Variants in PRR5L observed in about 807,000 individuals in gnomAD.
The protein encoded by PRR5L is proline-rich protein 5-like.
Under a neutral mutation model 36.4 loss-of-function variants are expected in PRR5L, and 21 were observed. That is an observed-to-expected ratio of 0.58 (90% CI 0.41 to 0.83). The LOEUF (loss-of-function observed/expected upper bound fraction) is 0.83, where lower values mean the gene tolerates loss of function less well. Ranked by LOEUF, PRR5L falls within the 40% of genes least tolerant of loss-of-function variation. The pLI, the probability that PRR5L is intolerant of heterozygous loss-of-function variation, is 0.00. For missense variants in PRR5L, 381 were observed against 473.3 expected, an observed-to-expected ratio of 0.80 and a Z score of 1.81; for synonymous variants, 188 against 197.0, an observed-to-expected ratio of 0.95 and a Z score of 0.38.
At chr11:36,400,004 C>A (rs976284735) in intron 1 of PRR5L, among the ~76,000 whole-genome samples, 4 of 152,206 alleles carry the variant, frequency 2.6e-5, no homozygotes, top group African/African-American at 7.2e-5. Context: ...TTGGGAGTGG[C>A]CAAGTTAAGA....
intron 1 of PRR5L, among the ~76,000 whole-genome samples, chr11:36,386,720 G>T (rs1439645029): frequency 6.6e-6 from 1 of 152,190 alleles, no homozygotes; most frequent in East Asian, 1.9e-4. Context: ...CTAGTCTTCT[G>T]CCTTTGGGCA....
intron 7 of PRR5L, among the ~76,000 whole-genome samples, chr11:36,450,500 C>A (rs189209104): frequency 1.3e-5 from 2 of 152,270 alleles, no homozygotes; most frequent in East Asian, 3.9e-4. Flanking sequence ...TGGTTTTGAC[C>A]ATTCTTTACT....
intron 3 of PRR5L, among the ~76,000 whole-genome samples, chr11:36,415,049 C>G (rs573125148): frequency 2.7e-5 from 4 of 147,338 alleles, no homozygotes; most frequent in African/African-American, 1.0e-4. Flanking sequence ...TCTGTGGGCT[C>G]TGTTCTGTTC....
chr11:36,401,475 A>T (rs1857795390), intron 2 of PRR5L, among the ~76,000 whole-genome samples, 190 bp downstream of exon 2: 1 of 152,060 alleles, frequency 6.6e-6, no homozygotes, highest in Non-Finnish European at 1.5e-5. Flanking sequence ...CCCAGGCTGG[A>T]GTGCAGTCGT....
intron 1 of PRR5L, among the ~76,000 whole-genome samples, chr11:36,366,943 G>GA (rs1172234678): frequency 1.3e-5 from 2 of 151,918 alleles, no homozygotes; most frequent in Non-Finnish European, 2.9e-5. Context: ...CCACAGACAG[G>GA]AATGAATAAG....
intron 3 of PRR5L, among the ~76,000 whole-genome samples, chr11:36,413,566 C>G (rs899515425): frequency 6.6e-6 from 1 of 151,236 alleles, no homozygotes; most frequent in Non-Finnish European, 1.5e-5. Context: ...GTTTTCCATT[C>G]TCTTTTCCTT....
intron 1 of PRR5L, chr11:36,375,978 C>T: frequency 4.9e-6 from 2 of 407,694 alleles, no homozygotes; most frequent in South Asian, 3.7e-5. Context: ...CCCAGAATCA[C>T]CTCTTGGCTT....
intron 3 of PRR5L, among the ~76,000 whole-genome samples, chr11:36,417,522 G>C (rs983233900): frequency 3.6e-5 from 5 of 139,266 alleles, no homozygotes; most frequent in African/African-American, 1.3e-4. Context: ...GAACTCCTGG[G>C]TTGTGTTGAC....
intron 6 of PRR5L, among the ~76,000 whole-genome samples, chr11:36,440,324 T>C (rs1231975667): frequency 6.6e-6 from 1 of 152,176 alleles, no homozygotes; most frequent in African/African-American, 2.4e-5. Flanking sequence ...TTGCTGTCCT[T>C]GGCCCGGTTA....
intron 1 of PRR5L, among the ~76,000 whole-genome samples, chr11:36,400,488 C>T (rs1857768102): frequency 6.6e-6 from 1 of 152,236 alleles, no homozygotes; most frequent in South Asian, 2.1e-4. Context: ...AGTGAAGGAA[C>T]AGCAGGTAAG....
At chr11:36,304,359 C>A (rs1336637108) in intron 1 of PRR5L, among the ~76,000 whole-genome samples, 2 of 152,174 alleles carry the variant, frequency 1.3e-5, no homozygotes, top group African/African-American at 2.4e-5. Flanking sequence ...AGCCATTCAC[C>A]ATATACCAAA....
intron 1 of PRR5L, among the ~76,000 whole-genome samples, chr11:36,327,640 G>T (rs1856678062): frequency 6.6e-6 from 1 of 152,144 alleles, no homozygotes; most frequent in Non-Finnish European, 1.5e-5. Context: ...GGTCTGAATA[G>T]AAATCACTGG....
chr11:36,445,900 CTTT>C (rs1313991749), intron 6 of PRR5L, among the ~76,000 whole-genome samples: 3 of 152,126 alleles, frequency 2.0e-5, no homozygotes, highest in Non-Finnish European at 2.9e-5. Flanking sequence ...TGTTTTCCTT[CTTT>C]ATTTGTATGA....
intron 1 of PRR5L, among the ~76,000 whole-genome samples, chr11:36,384,482 A>T (rs946238429): frequency 1.3e-5 from 2 of 152,088 alleles, no homozygotes; most frequent in African/African-American, 4.8e-5. Flanking sequence ...TGGACACTCT[A>T]ATGTTTGGTT....
At chr11:36,382,901 C>T (rs1857394199) in intron 1 of PRR5L, among the ~76,000 whole-genome samples, 1 of 152,058 alleles carries the variant, frequency 6.6e-6, no homozygotes, top group African/African-American at 2.4e-5. Context: ...GTATCTTGGG[C>T]CCAGTGAATG....
At chr11:36,435,449 A>G (rs958422046) in intron 5 of PRR5L, among the ~76,000 whole-genome samples, 1 of 152,180 alleles carries the variant, frequency 6.6e-6, no homozygotes, top group African/African-American at 2.4e-5. Flanking sequence ...GGTTTGACCA[A>G]TGGGGAGAGA....
intron 1 of PRR5L, among the ~76,000 whole-genome samples, chr11:36,349,513 CG>C (rs1403450413): frequency 1.3e-5 from 2 of 152,130 alleles, no homozygotes; most frequent in East Asian, 3.9e-4. Flanking sequence ...CCAAGTATCC[CG>C]CTTCCTTCTG....
intron 3 of PRR5L, 105 bp from the exon 4 acceptor site, chr11:36,419,150 G>C: frequency 1.0e-6 from 1 of 976,450 alleles, no homozygotes; most frequent in Non-Finnish European, 1.7e-6. Flanking sequence ...GTGCCCTCAA[G>C]ATCTCAGACC....
rs1859245069 is a variant in PRR5L, at chr11:36,463,984, G to A, written c.*1248G>A. On this transcript the variant is annotated 3_prime_UTR_variant, in exon 9 of 9. Transcript: ENST00000530639. The stretch of plus-strand genomic sequence containing the variant: ...TGCTTTACAGTGCTGGGAGAGAGGG[G>A]AGATGTGGGCAGGACCTTTTGGAAG... The A allele has an allele frequency of 6.6e-6, 1 of 152,156 alleles. No individual in the cohort carries two copies. Among genetic ancestry groups the A allele is most frequent in the South Asian group, 2.1e-4 (1 of 4,806 alleles). The allele number at this position is 152,156 out of a possible 1,614,324, so 9.4% of individuals were successfully genotyped here. A position where few individuals can be genotyped will look rare whatever the true frequency, so the allele number is the denominator to read the frequency against.
Sources: allele counts gnomAD v4.1 joint callset (sites outside exome capture counted in the v4.1 genomes callset), GRCh38; gene constraint gnomAD v4.1.1; transcripts MANE v1.5; gene names NCBI Gene and HGNC (gene_info 2026-07-23, HGNC 2026-07-21).